The following EEFSEC variants were observed in gnomAD, a reference collection of about 807,000 sequenced individuals.
EEFSEC encodes selenocysteine-specific elongation factor.
Under a neutral mutation model 42.1 loss-of-function variants are expected in EEFSEC, and 43 were observed. The ratio of observed to expected loss-of-function variants is 1.02; its 90% CI spans 0.80 to 1.32. The LOEUF (loss-of-function observed/expected upper bound fraction) is 1.32, where lower values mean the gene tolerates loss of function less well. EEFSEC is among the 40% of genes most tolerant of loss of function. EEFSEC has a pLI of 0.00. For synonymous variants in EEFSEC, 354 were observed against 339.1 expected (o/e 1.04, Z -0.48); for missense variants, 745 against 803.6 (o/e 0.93, Z 0.88).
chr3:128,221,515 A>G (rs1379071305), intron 1 of EEFSEC, among the ~76,000 whole-genome samples: 1 of 152,238 alleles, frequency 6.6e-6, no homozygotes, highest in African/African-American at 2.4e-5. Flanking sequence ...TATCTTCATC[A>G]CTGGTGCTAA....
intron 1 of EEFSEC, among the ~76,000 whole-genome samples, chr3:128,231,098 C>T (rs761531484): frequency 6.6e-6 from 1 of 152,072 alleles, no homozygotes; most frequent in African/African-American, 2.4e-5. Context: ...TGTCTTCCCT[C>T]GCCTCCTCCC....
chr3:128,213,314 G>A (rs1176475658), intron 1 of EEFSEC, among the ~76,000 whole-genome samples: 4 of 152,196 alleles, frequency 2.6e-5, no homozygotes, highest in South Asian at 4.1e-4. Context: ...TAGCTGTGAC[G>A]GGAAGAAAGT....
intron 1 of EEFSEC, among the ~76,000 whole-genome samples, chr3:128,231,838 C>T (rs1248340555): frequency 5.3e-5 from 8 of 152,070 alleles, no homozygotes; most frequent in African/African-American, 1.2e-4. Context: ...GCCATCCTGT[C>T]GTATCTCCCC....
intron 1 of EEFSEC, among the ~76,000 whole-genome samples, chr3:128,193,484 A>T (rs1053934546): frequency 6.6e-6 from 1 of 152,182 alleles, no homozygotes; most frequent in East Asian, 1.9e-4. Context: ...ATTTTTCTGC[A>T]TTCATTCATT....
chr3:128,273,392 G>T (rs1027764805), intron 4 of EEFSEC, among the ~76,000 whole-genome samples: 1 of 149,892 alleles, frequency 6.7e-6, no homozygotes, highest in African/African-American at 2.5e-5. Context: ...CTCTCTGCAG[G>T]TGCTGTTGTC....
At chr3:128,291,897 T>C (rs1206387560) in intron 4 of EEFSEC, among the ~76,000 whole-genome samples, 1 of 152,224 alleles carries the variant, frequency 6.6e-6, no homozygotes, top group Non-Finnish European at 1.5e-5. Flanking sequence ...TATTTCACTA[T>C]TAAATATGTT....
the EEFSEC span, among the ~76,000 whole-genome samples, chr3:128,416,806 G>A: frequency 1.3e-5 from 2 of 152,178 alleles, no homozygotes; most frequent in South Asian, 2.1e-4. Flanking sequence ...GGGCCATGCC[G>A]AGAAAGGGCA....
intron 4 of EEFSEC, among the ~76,000 whole-genome samples, chr3:128,284,368 A>G (rs1042047639): frequency 2.0e-5 from 3 of 151,992 alleles, no homozygotes; most frequent in Non-Finnish European, 4.4e-5. Flanking sequence ...GATTGGAGCT[A>G]TAGAAATGCA....
chr3:128,236,116 C>G (rs2066008052), intron 1 of EEFSEC, among the ~76,000 whole-genome samples: 1 of 152,216 alleles, frequency 6.6e-6, no homozygotes, highest in Non-Finnish European at 1.5e-5. Flanking sequence ...GCAGCAACAC[C>G]AGGCACGCAA....
At chr3:128,380,530 A>G (rs1378803778) in intron 6 of EEFSEC, among the ~76,000 whole-genome samples, 1 of 152,150 alleles carries the variant, frequency 6.6e-6, no homozygotes, top group East Asian at 1.9e-4. Flanking sequence ...CCTCACACAC[A>G]TGTGCAGCTT....
At chr3:128,237,750 A>G (rs2066028044) in intron 1 of EEFSEC, among the ~76,000 whole-genome samples, 1 of 152,124 alleles carries the variant, frequency 6.6e-6, no homozygotes, top group Non-Finnish European at 1.5e-5. Flanking sequence ...GATGTCTTAC[A>G]TGGACCTTCT....
chr3:128,235,129 A>G (rs1381983564), intron 1 of EEFSEC, among the ~76,000 whole-genome samples: 3 of 151,854 alleles, frequency 2.0e-5, no homozygotes, highest in Non-Finnish European at 2.9e-5. Context: ...CAGTGGCGTG[A>G]TCTTGGCTCA....
intron 1 of EEFSEC, among the ~76,000 whole-genome samples, chr3:128,175,227 G>T (rs1365393412): frequency 6.6e-6 from 1 of 151,858 alleles, no homozygotes; most frequent in East Asian, 1.9e-4. Context: ...CTGAGCCTGG[G>T]ATTAAATCTC....
intron 1 of EEFSEC, among the ~76,000 whole-genome samples, chr3:128,244,863 G>T (rs536254218): frequency 6.6e-6 from 1 of 152,058 alleles, no homozygotes; most frequent in African/African-American, 2.4e-5. Flanking sequence ...CACTCACTCC[G>T]CCTCGGATAT....
intron 6 of EEFSEC, among the ~76,000 whole-genome samples, chr3:128,401,926 A>G (rs984986902): frequency 6.6e-6 from 1 of 152,206 alleles, no homozygotes; most frequent in Non-Finnish European, 1.5e-5. Context: ...CTTCCTGGGC[A>G]GACTCAGAGC....
Position 128,343,357 on chromosome 3 carries a change from C to CT in EEFSEC, c.1443+1472dup, listed in dbSNP as rs562598606. 7.9e-5 allele frequency among the ~76,000 whole-genome samples: 12 copies of CT among 152,256 alleles called. No individual in the cohort carries two copies. In the South Asian group the frequency reaches 2.5e-3, roughly 32 times the overall value. ...CTGGGTGCTCCACCCTGGCCCTCTT[C>CT]TTTTCCTGCCCCTGTACCTAGACCT... On this transcript the variant is annotated intron_variant, in intron 5 of 6. Coordinates refer to ENST00000254730, the MANE Select transcript of EEFSEC (RefSeq NM_021937.5).
intron 4 of EEFSEC, among the ~76,000 whole-genome samples, chr3:128,296,849 A>G (rs1288356270): frequency 6.6e-6 from 1 of 152,188 alleles, no homozygotes; most frequent in East Asian, 1.9e-4. Flanking sequence ...GAAGGCCCCC[A>G]GTGGCAGTCA....
chr3:128,208,818 C>A (rs537167249), intron 1 of EEFSEC, among the ~76,000 whole-genome samples: 1 of 152,176 alleles, frequency 6.6e-6, no homozygotes, highest in Non-Finnish European at 1.5e-5. Context: ...TTTGGCACAT[C>A]GGCTTATTAA....
chr3:128,214,735 A>G (rs1044686307), intron 1 of EEFSEC, among the ~76,000 whole-genome samples: 5 of 152,216 alleles, frequency 3.3e-5, no homozygotes, highest in East Asian at 1.9e-4. Flanking sequence ...ATGATGTATG[A>G]TAGGATTATA....
Sources: allele counts gnomAD v4.1 joint callset (sites outside exome capture counted in the v4.1 genomes callset), GRCh38; gene constraint gnomAD v4.1.1; transcripts MANE v1.5; gene names NCBI Gene and HGNC (gene_info 2026-07-23, HGNC 2026-07-21).